RXRA: variants seen among roughly 807,000 people sequenced by gnomAD.
RXRA encodes the protein retinoic acid receptor RXR-alpha.
In RXRA, 5 loss-of-function variants were observed where a neutral mutation model predicts 44.5. The ratio of observed to expected loss-of-function variants is 0.11; its 90% CI spans 0.06 to 0.24. RXRA has a LOEUF of 0.24. RXRA is among the 10% of genes least tolerant of loss of function. The pLI is 1.00. For missense variants in RXRA, 412 were observed against 646.5 expected, an observed-to-expected ratio of 0.64 and a Z score of 3.93; for synonymous variants, 291 against 271.4, an observed-to-expected ratio of 1.07 and a Z score of -0.71.
At chr9:134,424,947 G>A in intron 6 of RXRA, 1 of 985,472 alleles carries the variant, frequency 1.0e-6, no homozygotes, top group South Asian at 4.7e-5. Flanking sequence ...TTATGTCCCT[G>A]TGCTAGGCCC....
chr9:134,426,241 GC>G lies in RXRA; in HGVS notation c.911-2865del. ...CTTCTGAAAGGCCAGCGCACCCTGA[GC>G]CGTTTAAAGCTGTGTCCGTGCCGGG... On this transcript the variant is annotated intron_variant, in intron 6 of 9. Coordinates refer to ENST00000481739, the MANE Select transcript of RXRA (RefSeq NM_002957.6). This position sits in a 1 kb window ranked among gnomAD's most constrained non-coding sequence, Gnocchi z 4.6. The G allele has an allele frequency of 1.0e-6, 1 of 985,452 alleles. No individual in the cohort carries two copies. The highest frequency in any genetic ancestry group is 1.2e-6 in the Non-Finnish European group (1 of 829,932). 61.0% of individuals were successfully genotyped at this position (985,452 alleles called of 1,614,324 possible).
chr9:134,370,376 G>T (rs563983524), intron 1 of RXRA, among the ~76,000 whole-genome samples: 2 of 152,354 alleles, frequency 1.3e-5, no homozygotes, highest in Non-Finnish European at 2.9e-5. Flanking sequence ...CTGCCCGGCT[G>T]GTTCCAAGGC....
In RXRA at chr9:134,379,269, C is replaced by G. The variant is rs542347882; in HGVS notation, c.29-22363C>G. 2.2e-5 allele frequency: 22 copies of G among 986,296 alleles called. No individual in the cohort carries two copies. In the African/African-American group the frequency reaches 3.1e-4, roughly 14 times the overall value. The allele number at this position is 986,296 out of a possible 1,614,324, so 61.1% of individuals were successfully genotyped here. ...CTGAGGGCGGGGCTCGGGCCTGCCC[C>G]ATCAGCAACAGCTGTTGCCGAGGGC... is the stretch of plus-strand genomic sequence containing the variant. On this transcript the variant is annotated intron_variant, in intron 1 of 9. Coordinates refer to ENST00000481739, the MANE Select transcript of RXRA (RefSeq NM_002957.6).
At position 134,340,912 on chromosome 9, in the gene RXRA, C is replaced by T. The variant is rs1028414227; in HGVS notation, c.28+14253C>T. On this transcript the variant is annotated intron_variant, in intron 1 of 9. Transcript: ENST00000481739. ...CCTCATGTGAACCCTGGAAAGGCCT[C>T]GCAGGAAAGGAGAGGAAGGAAGGCT... 2.0e-5 allele frequency among the ~76,000 whole-genome samples: 3 copies of T among 152,202 alleles called. No individual in the cohort carries two copies. The South Asian group carries it at 6.2e-4, about 32-fold the overall frequency.
chr9:134,379,293 G>T (rs1830604026), intron 1 of RXRA: 1 of 986,780 alleles, frequency 1.0e-6, no homozygotes, highest in South Asian at 4.7e-5. Flanking sequence ...GTTGCCGAGG[G>T]CACAGATGCC....
Position 134,379,225 on chromosome 9 carries a change from C to G in RXRA, c.29-22407C>G. On this transcript the variant is annotated intron_variant, in intron 1 of 9. Coordinates refer to ENST00000481739, the MANE Select transcript of RXRA (RefSeq NM_002957.6). ...CTTGTCCGTGCTTAACTGGGCCTTT[C>G]CTGATCCCTGTGGGCTCCCTGAGGG... 13 of 977,764 alleles carry G rather than the reference C, an allele frequency of 1.3e-5. No homozygotes were observed. The South Asian group carries it at 6.1e-4, about 46-fold the overall frequency. The allele number at this position is 977,764 out of a possible 1,614,324, so 60.6% of individuals were successfully genotyped here.
rs560418580 is a variant in RXRA, at chr9:134,388,045, G to C, written c.29-13587G>C. On this transcript the variant is annotated intron_variant, in intron 1 of 9. Coordinates refer to ENST00000481739, the MANE Select transcript of RXRA (RefSeq NM_002957.6). Reference sequence around the variant, plus strand: ...GGCACTTATCGCTGCACCCCATGGTGACCACAGAGAGGCCTCTTCAGCTCT... The same window carrying C: ...GGCACTTATCGCTGCACCCCATGGTCACCACAGAGAGGCCTCTTCAGCTCT... Among the ~76,000 whole-genome samples the C allele has an allele frequency of 5.3e-5, 8 of 152,308 alleles. No homozygotes were observed. The South Asian group carries it at 1.0e-3, about 20-fold the overall frequency.
intron 1 of RXRA, among the ~76,000 whole-genome samples, chr9:134,368,301 C>T (rs1489170791): frequency 2.0e-5 from 3 of 152,228 alleles, no homozygotes; most frequent in South Asian, 2.1e-4. Flanking sequence ...GGTGCTGTTC[C>T]GTCCAGTGGG....
At chr9:134,434,665 T>TC (rs200165328) in intron 9 of RXRA, among the ~76,000 whole-genome samples, 2,801 of 152,312 alleles carry the variant, frequency 0.018, 53 homozygotes, top group Admixed American at 0.048. Context: ...CGCTCATGTT[T>TC]CCCCCCTGCC....
intron 2 of RXRA, chr9:134,404,853 G>A (rs1340804852): frequency 6.6e-6 from 1 of 152,496 alleles, no homozygotes; most frequent in Admixed American, 6.5e-5. Flanking sequence ...AGGGGCTCAG[G>A]AAGGAAGGGT....
At position 134,433,062 on chromosome 9, in the gene RXRA, G is replaced by A. The variant is rs35591200; in HGVS notation, c.1136-1040G>A. ...ATGGTGGAGGGAGTGGAGCCCTCTC[G>A]GCTCCTGGCCCTGACCTTCTGACCT... On this transcript the variant is annotated intron_variant, in intron 8 of 9. Coordinates refer to ENST00000481739, the MANE Select transcript of RXRA (RefSeq NM_002957.6). This position sits in a 1 kb window ranked among gnomAD's most constrained non-coding sequence, Gnocchi z 4.2. Among the ~76,000 whole-genome samples the A allele has an allele frequency of 0.063, 9,508 of 152,118 alleles. 457 individuals are homozygous for A. The highest frequency in any genetic ancestry group is 0.13 in the South Asian group (623 of 4,820).
chr9:134,400,880 C>T (rs1830948257), intron 1 of RXRA, among the ~76,000 whole-genome samples: 2 of 152,224 alleles, frequency 1.3e-5, no homozygotes, highest in Admixed American at 6.5e-5. Flanking sequence ...TTCCACCCAT[C>T]TGGTCCCCTC....
chr9:134,397,416 C>T (rs1007383607), intron 1 of RXRA, among the ~76,000 whole-genome samples: 6 of 152,196 alleles, frequency 3.9e-5, no homozygotes, highest in East Asian at 1.9e-4. Flanking sequence ...GCTGGCATTC[C>T]GGGGCATTCA....
At chr9:134,339,813 CTCTG>C (rs1830063293) in intron 1 of RXRA, among the ~76,000 whole-genome samples, 1 of 112,502 alleles carries the variant, frequency 8.9e-6, no homozygotes, top group Non-Finnish European at 1.8e-5. Flanking sequence ...GTGTGTAAGC[CTCTG>C]TGTGTGTGTG....
intron 1 of RXRA, among the ~76,000 whole-genome samples, chr9:134,367,353 G>A (rs905449125): frequency 2.0e-5 from 3 of 152,128 alleles, no homozygotes; most frequent in Admixed American, 1.3e-4. Flanking sequence ...GACCCTGTCC[G>A]GGGAGACCCA....
chr9:134,389,143 C>T (rs370477309), intron 1 of RXRA, among the ~76,000 whole-genome samples: 59 of 152,332 alleles, frequency 3.9e-4, no homozygotes, highest in African/African-American at 1.3e-3. Flanking sequence ...GCCCTCAGCT[C>T]GCTCCCGTCC....
rs981510463 is a variant in RXRA at position 134,439,358 on chromosome 9, G to A, written c.*2744G>A. 6 of 152,310 alleles carry A rather than the reference G, an allele frequency of 3.9e-5. No individual in the cohort carries two copies. The highest frequency in any genetic ancestry group is 9.6e-5 in the African/African-American group (4 of 41,558). The allele number at this position is 152,310 out of a possible 1,614,324, so 9.4% of individuals were successfully genotyped here. A position where few individuals can be genotyped will look rare whatever the true frequency, so the allele number is the denominator to read the frequency against. ...ACCTCCCGGCTTTGCCGTTCAGATG[G>A]GGCTCCTGAGGCTCAGGAGTGAAGA... On this transcript the variant is annotated 3_prime_UTR_variant, in exon 10 of 10. Coordinates refer to ENST00000481739, the MANE Select transcript of RXRA (RefSeq NM_002957.6).
rs1831245021 is a variant in RXRA at position 134,417,007 on chromosome 9, A to G, written c.611-151A>G. On this transcript the variant is annotated intron_variant, in intron 4 of 9. Transcript: ENST00000481739. This position sits in a 1 kb window ranked among gnomAD's most constrained non-coding sequence, Gnocchi z 6.1. ...ACCACACGGAGGCCAGGCCTGGGGC[A>G]GAGATGGGGTCTCCATCACCCAGTG... is the stretch of plus-strand genomic sequence containing the variant. The G allele has an allele frequency of 1.3e-6, 1 of 748,858 alleles. No individual in the cohort carries two copies. The highest frequency in any genetic ancestry group is 2.7e-5 in the Admixed American group (1 of 37,330). 46.4% of individuals were successfully genotyped at this position (748,858 alleles called of 1,614,324 possible). A position where few individuals can be genotyped will look rare whatever the true frequency, so the allele number is the denominator to read the frequency against.
In RXRA at chr9:134,342,080, C is replaced by T. The variant is rs1251781797; in HGVS notation, c.28+15421C>T. On this transcript the variant is annotated intron_variant, in intron 1 of 9. Coordinates refer to ENST00000481739, the MANE Select transcript of RXRA (RefSeq NM_002957.6). The surrounding 1 kb of genome is among the most constrained non-coding windows in gnomAD (Gnocchi z 4.4). Reference sequence around the variant, plus strand: ...GTTGCTGGCTGGGGGACATGAAGACCCCGAATGAGGAGGCGTCTCCCTGAA... The same window carrying T: ...GTTGCTGGCTGGGGGACATGAAGACTCCGAATGAGGAGGCGTCTCCCTGAA... Among the ~76,000 whole-genome samples the T allele has an allele frequency of 6.6e-6, 1 of 152,052 alleles. No homozygotes were observed. Among genetic ancestry groups the T allele is most frequent in the South Asian group, 2.1e-4 (1 of 4,826 alleles).
Sources: allele counts gnomAD v4.1 joint callset (sites outside exome capture counted in the v4.1 genomes callset), GRCh38; gene constraint gnomAD v4.1.1; non-coding constraint Gnocchi (gnomAD v3.1); transcripts MANE v1.5; gene names NCBI Gene and HGNC (gene_info 2026-07-23, HGNC 2026-07-21).